ARL15: variants seen among roughly 807,000 people sequenced by gnomAD.
ARL15 encodes ADP-ribosylation factor-like protein 15.
A neutral mutation model predicts 25.2 loss-of-function variants in ARL15; 19 were observed. The observed-to-expected ratio is 0.75, with a 90% confidence interval of 0.53 to 1.10. ARL15 has a LOEUF of 1.10. Among genes scored for constraint, ARL15 ranks in the 50% least tolerant of loss-of-function variants. The pLI is 0.00. For synonymous variants in ARL15, 94 were observed against 86.8 expected, an observed-to-expected ratio of 1.08 and a Z score of -0.46; for missense variants, 220 against 246.0, an observed-to-expected ratio of 0.89 and a Z score of 0.71.
chr5:54,005,547 T>G (rs1315049238), intron 4 of ARL15, among the ~76,000 whole-genome samples: 1 of 151,716 alleles, frequency 6.6e-6, no homozygotes, highest in Non-Finnish European at 1.5e-5. Context: ...CTGGCCAACG[T>G]GGTGAAACTC....
At chr5:54,063,058 T>C (rs114081177) in intron 4 of ARL15, among the ~76,000 whole-genome samples, 2,171 of 152,298 alleles carry the variant, frequency 0.014, 14 homozygotes, top group Non-Finnish European at 0.023. Context: ...AGTAGAATCA[T>C]TCTACATAAC....
At chr5:53,971,148 A>G (rs1747737676) in intron 4 of ARL15, among the ~76,000 whole-genome samples, 1 of 152,226 alleles carries the variant, frequency 6.6e-6, no homozygotes, top group African/African-American at 2.4e-5. Context: ...TCTTCAAGAA[A>G]AAAGTGAAGA....
At chr5:54,234,238 G>A (rs568831165) in intron 1 of ARL15, among the ~76,000 whole-genome samples, 17 of 151,812 alleles carry the variant, frequency 1.1e-4, no homozygotes, top group South Asian at 6.2e-4. Context: ...TGATCCGCCC[G>A]TTTCAGCCTC....
chr5:53,992,503 T>C (rs535430159), intron 4 of ARL15, among the ~76,000 whole-genome samples: 2 of 152,352 alleles, frequency 1.3e-5, no homozygotes, highest in South Asian at 4.1e-4. Flanking sequence ...TGGCAGTACC[T>C]ACCCAAATGC....
At chr5:54,303,927 A>T (rs886927678) in intron 1 of ARL15, among the ~76,000 whole-genome samples, 2 of 152,128 alleles carry the variant, frequency 1.3e-5, no homozygotes, top group Non-Finnish European at 2.9e-5. Flanking sequence ...GGCTATGACC[A>T]GGGTATGGAG....
intron 4 of ARL15, among the ~76,000 whole-genome samples, chr5:54,069,409 A>G (rs935891092): frequency 6.6e-6 from 1 of 151,978 alleles, no homozygotes; most frequent in Non-Finnish European, 1.5e-5. Context: ...CGTCTCTACT[A>G]AAAATACAAA....
At position 54,087,934 on chromosome 5, in the gene ARL15, G is replaced by C. The variant is rs192651411; in HGVS notation, c.462+25268C>G. Among the ~76,000 whole-genome samples, 546 of 152,198 alleles carry C rather than the reference G, an allele frequency of 3.6e-3. 7 individuals are homozygous for C. Among genetic ancestry groups the C allele is most frequent in the African/African-American group, 0.013 (522 of 41,526 alleles). On this transcript the variant is annotated intron_variant, in intron 4 of 4. Coordinates refer to ENST00000504924, the MANE Select transcript of ARL15 (RefSeq NM_019087.3). ...CAAGTGATCTGCCTGCCTTGGCCTC[G>C]CAAAGTGCTGGGATTATAGGCGTGA...
intron 4 of ARL15, among the ~76,000 whole-genome samples, chr5:53,963,809 A>T (rs1177822924): frequency 5.6e-4 from 18 of 32,386 alleles, no homozygotes; most frequent in African/African-American, 1.3e-3. Context: ...ACTCCATCAC[A>T]CACACACACA....
At chr5:54,195,024 G>A (rs186190327) in intron 1 of ARL15, among the ~76,000 whole-genome samples, 10 of 152,282 alleles carry the variant, frequency 6.6e-5, no homozygotes, top group Admixed American at 6.5e-4. Context: ...CATTCAGGAT[G>A]TTTATTTACT....
At chr5:53,952,664 AT>A (rs1277996245) in intron 4 of ARL15, among the ~76,000 whole-genome samples, 1 of 152,216 alleles carries the variant, frequency 6.6e-6, no homozygotes, top group Admixed American at 6.5e-5. Context: ...TGCAATTTTT[AT>A]TTAAGAAATG....
intron 4 of ARL15, among the ~76,000 whole-genome samples, chr5:54,012,183 C>A (rs1051629523): frequency 6.6e-5 from 10 of 152,100 alleles, no homozygotes; most frequent in Admixed American, 1.3e-4. Context: ...CCTTTTATAG[C>A]CTTGTAATAT....
chr5:53,981,017 C>A (rs1013048863), intron 4 of ARL15, among the ~76,000 whole-genome samples: 1 of 152,070 alleles, frequency 6.6e-6, no homozygotes, highest in African/African-American at 2.4e-5. Flanking sequence ...AACTGCCCTG[C>A]CCCCTTTGCC....
chr5:53,971,537 A>G (rs1475509979), intron 4 of ARL15, among the ~76,000 whole-genome samples: 1 of 152,180 alleles, frequency 6.6e-6, no homozygotes, highest in East Asian at 1.9e-4. Context: ...ATTATTGAGT[A>G]CATTATCCTC....
intron 4 of ARL15, among the ~76,000 whole-genome samples, chr5:53,904,649 A>G (rs1745182048): frequency 6.6e-6 from 1 of 152,184 alleles, no homozygotes; most frequent in Admixed American, 6.5e-5. Flanking sequence ...ATTAGTGGCC[A>G]CATATTCAGA....
chr5:54,141,456 C>A (rs181238053), intron 3 of ARL15, among the ~76,000 whole-genome samples: 2 of 152,122 alleles, frequency 1.3e-5, no homozygotes, highest in South Asian at 4.2e-4. Flanking sequence ...CTCCACAAAA[C>A]ACAATTTCAA....
intron 4 of ARL15, among the ~76,000 whole-genome samples, chr5:54,002,607 A>T (rs921198960): frequency 1.8e-4 from 27 of 152,216 alleles, no homozygotes; most frequent in Admixed American, 1.8e-3. Context: ...CTGCCAAAAA[A>T]TAGGATTTGG....
chr5:53,937,869 GAA>G (rs1746404162), intron 4 of ARL15, among the ~76,000 whole-genome samples: 1 of 151,238 alleles, frequency 6.6e-6, no homozygotes, highest in African/African-American at 2.4e-5. Context: ...AAGTGGGTAT[GAA>G]ACACTTTAAG....
At chr5:54,223,851 G>A (rs1321711724) in intron 1 of ARL15, among the ~76,000 whole-genome samples, 4 of 152,194 alleles carry the variant, frequency 2.6e-5, no homozygotes, top group East Asian at 1.9e-4. Context: ...TTATGAGAGC[G>A]CCGGGGTTGG....
At chr5:54,200,440 A>C (rs1197108647) in intron 1 of ARL15, among the ~76,000 whole-genome samples, 2 of 152,112 alleles carry the variant, frequency 1.3e-5, no homozygotes, top group Non-Finnish European at 2.9e-5. Flanking sequence ...TGCTTACCTC[A>C]AACTTTGAGA....
Sources: gnomAD v4.1 joint callset for allele counts (sites outside exome capture counted in the v4.1 genomes callset) on GRCh38, gnomAD v4.1.1 for gene constraint, MANE v1.5 for transcripts, NCBI Gene and HGNC (gene_info 2026-07-23, HGNC 2026-07-21) for gene names.